ABCA13: variants seen among roughly 807,000 people sequenced by gnomAD.
ABCA13 encodes the protein ATP binding cassette subfamily A member 13.
A neutral mutation model predicts 478.7 loss-of-function variants in ABCA13; 476 were observed. That is an observed-to-expected ratio of 0.99 (90% confidence interval 0.92 to 1.07). The LOEUF (loss-of-function observed/expected upper bound fraction) is 1.07. Among genes scored for constraint, ABCA13 ranks in the 50% least tolerant of loss-of-function variants. ABCA13 has a pLI of 0.00. For synonymous variants in ABCA13, 2,252 were observed against 2,158.9 expected (o/e 1.04, Z -1.20); for missense variants, 6,060 against 5,910.6 (o/e 1.03, Z -0.83).
At chr7:48,623,637 A>G (rs1285839807) in intron 59 of ABCA13, among the ~76,000 whole-genome samples, 1 of 152,164 alleles carries the variant, frequency 6.6e-6, no homozygotes, top group Non-Finnish European at 1.5e-5. Flanking sequence ...TCCACCCAAT[A>G]TATATATGTT....
In ABCA13 at chr7:48,507,853, T is replaced by G. The variant is rs1260397019; in HGVS notation, c.13347-19T>G. ...TGTTCTTCGTCAGGTGCCTGAGAGC[T>G]GCTCTGTTCCACCCGCAGCCTGGAG... On this transcript the variant is annotated intron_variant, in intron 49 of 61. Transcript: ENST00000435803. 6.3e-7 allele frequency: 1 copy of G among 1,583,502 alleles called. No homozygotes were observed. The highest frequency in any genetic ancestry group is 1.8e-5 in the Admixed American group (1 of 56,900).
intron 59 of ABCA13, among the ~76,000 whole-genome samples, chr7:48,639,944 T>C (rs1206399174): frequency 1.3e-5 from 2 of 152,202 alleles, no homozygotes; most frequent in Non-Finnish European, 2.9e-5. Context: ...TAAAGTTTTA[T>C]GTGCTCATTA....
At chr7:48,396,429 C>T (rs73099349) in intron 38 of ABCA13, among the ~76,000 whole-genome samples, 17,586 of 152,236 alleles carry the variant, frequency 0.12, 1,084 homozygotes, top group African/African-American at 0.13. Context: ...ATTCAAGTGT[C>T]TTTTCCCTGG....
intron 47 of ABCA13, 116 bp from the exon 48 acceptor site, chr7:48,489,120 C>T: frequency 2.6e-6 from 2 of 760,594 alleles, no homozygotes; most frequent in Non-Finnish European, 4.3e-6. Flanking sequence ...TTGAATCCTG[C>T]ACTCAGGTGC....
chr7:48,433,002 T>A (rs1243627766), intron 42 of ABCA13, among the ~76,000 whole-genome samples: 2 of 152,084 alleles, frequency 1.3e-5, no homozygotes, highest in Non-Finnish European at 2.9e-5. Context: ...ATTGCATATG[T>A]TGATTAGCTC....
At chr7:48,523,401 CAGA>C (rs1275261873) in intron 53 of ABCA13, among the ~76,000 whole-genome samples, 3 of 151,866 alleles carry the variant, frequency 2.0e-5, no homozygotes, top group East Asian at 3.9e-4. Context: ...GTTTAATAAT[CAGA>C]AGAAGTTGTA....
At chr7:48,300,436 A>C (rs1852266) in intron 23 of ABCA13, among the ~76,000 whole-genome samples, 124,521 of 152,254 alleles carry the variant, frequency 0.82, 51,544 homozygotes, top group East Asian at 0.99. Context: ...TGCAAACAAA[A>C]GAAGGTCAGT....
chr7:48,574,761 CT>C (rs1481396768), intron 55 of ABCA13, among the ~76,000 whole-genome samples: 1 of 152,164 alleles, frequency 6.6e-6, no homozygotes, highest in African/African-American at 2.4e-5. Flanking sequence ...ATATGTGTGA[CT>C]AATATTTCGA....
rs556031162 is a variant in ABCA13, at chr7:48,219,400, C to T, written c.334C>T (p.Leu112=). ...TAADPKKVNN[L]AFLKEIQDLA... ...AGCTGACCCCAAGAAAGTCAACAACCTGGCCTTTTTAAAAGAGATACAAGA... is the reference window on the plus strand; with the variant it reads ...AGCTGACCCCAAGAAAGTCAACAACTTGGCCTTTTTAAAAGAGATACAAGA... Residue 112 remains leucine, a synonymous_variant, in exon 4 of 62, where the codon CTG becomes TTG. Transcript: ENST00000435803. 6.2e-7 allele frequency: 1 copy of T among 1,612,830 alleles called. No individual in the cohort carries two copies. Among genetic ancestry groups the T allele is most frequent in the African/African-American group, 1.3e-5 (1 of 74,906 alleles).
Position 48,575,665 on chromosome 7 carries a change from G to A in ABCA13, c.14355-4559G>A, listed in dbSNP as rs972740614. Among the ~76,000 whole-genome samples the A allele has an allele frequency of 2.6e-5, 4 of 152,072 alleles. No homozygotes were observed. In the East Asian group the frequency reaches 7.7e-4, roughly 29 times the overall value. On this transcript the variant is annotated intron_variant, in intron 55 of 61. Transcript: ENST00000435803. ...TTAAAATTTATAGCTTTTCCTGTGG[G>A]TCAGAGATGTGGAACATGAAAAAAT...
chr7:48,198,235 A>G lies in ABCA13; in HGVS notation c.164-2A>G, dbSNP rs767237976. On this transcript the variant is annotated splice_acceptor_variant, in intron 2 of 61. Transcript: ENST00000435803. LOFTEE classifies it high-confidence loss of function. ...TCATTTCTTCTTTGCATCTATTTCT[A>G]GGTTATTTGCAGCCCCGAGATCTAC... 3.2e-6 allele frequency: 5 copies of G among 1,582,632 alleles called. No homozygotes were observed. Among genetic ancestry groups the G allele is most frequent in the Non-Finnish European group, 4.3e-6 (5 of 1,163,692 alleles).
At chr7:48,463,417 G>A (rs988425310) in intron 43 of ABCA13, among the ~76,000 whole-genome samples, 1 of 152,154 alleles carries the variant, frequency 6.6e-6, no homozygotes, top group Non-Finnish European at 1.5e-5. Context: ...GAAGGCATCA[G>A]CTCCTTTAAT....
intron 53 of ABCA13, among the ~76,000 whole-genome samples, chr7:48,522,666 G>A (rs1585692880): frequency 2.0e-5 from 3 of 152,306 alleles, no homozygotes; most frequent in South Asian, 4.1e-4. Flanking sequence ...TGTTGTGAGT[G>A]GGTGGACCAG....
chr7:48,346,882 G>T (rs113512348), intron 29 of ABCA13, among the ~76,000 whole-genome samples: 2 of 152,206 alleles, frequency 1.3e-5, no homozygotes, highest in African/African-American at 2.4e-5. Context: ...CACTCCTGGA[G>T]CAGTGACAGC....
rs1795234141 is a variant in ABCA13 at position 48,643,331 on chromosome 7, G to T, written c.14881G>T (p.Ala4961Ser). Residue 4961 changes from alanine (A) to serine (S), a missense_variant, in exon 60 of 62, where the codon GCA becomes TCA. By Grantham distance (99) the Ala-to-Ser change is moderately conservative (BLOSUM62 1). Coordinates refer to ENST00000435803, the MANE Select transcript of ABCA13 (RefSeq NM_152701.5). ...YTVKVWLCKE[A>S]NQHCTVSDHL... ...AGTCAAAGTTTGGCTCTGTAAGGAA[G>T]CAAATCAACATTGCACTGTTTCTGA... 2 of 1,613,246 alleles carry T rather than the reference G, an allele frequency of 1.2e-6. No individual in the cohort carries two copies. Among genetic ancestry groups the T allele is most frequent in the African/African-American group, 1.3e-5 (1 of 75,010 alleles).
chr7:48,449,220 C>T (rs914969289), intron 42 of ABCA13, among the ~76,000 whole-genome samples: 1 of 152,102 alleles, frequency 6.6e-6, no homozygotes, highest in Non-Finnish European at 1.5e-5. Flanking sequence ...ACCCACATGC[C>T]ACAAAAACAT....
At chr7:48,391,599 T>TTAGGTAGGTTAGG (rs1360687724) in intron 37 of ABCA13, among the ~76,000 whole-genome samples, 1 of 152,212 alleles carries the variant, frequency 6.6e-6, no homozygotes, top group Admixed American at 6.5e-5. Context: ...AGCTGTGATG[T>TTAGGTAGGTTAGG]TAGGTAGGTT....
chr7:48,290,937 AG>A (rs374483104), intron 20 of ABCA13, among the ~76,000 whole-genome samples: 10,171 of 66,496 alleles, frequency 0.15, 1,307 homozygotes, highest in South Asian at 0.23. Context: ...CTTCACACTC[AG>A]GGAAAAAAAA....
At chr7:48,233,924 T>C in intron 7 of ABCA13, 94 bp from the exon 8 acceptor site, 1 of 1,426,492 alleles carries the variant, frequency 7.0e-7, no homozygotes, top group Non-Finnish European at 9.5e-7. Flanking sequence ...GCTCTTCCTT[T>C]AGAGGTGAAA....
Sources: allele counts gnomAD v4.1 joint callset (sites outside exome capture counted in the v4.1 genomes callset), GRCh38; gene constraint gnomAD v4.1.1; transcripts MANE v1.5; gene names NCBI Gene and HGNC (gene_info 2026-07-23, HGNC 2026-07-21).